The following NAV2 variants were observed in gnomAD, a reference collection of about 807,000 sequenced individuals.
NAV2 encodes the protein helicase, APC down-regulated 1.
NAV2 carries 54 observed loss-of-function variants against 223.2 expected under a neutral mutation model. That is an observed-to-expected ratio of 0.24 (90% confidence interval 0.19 to 0.30). The LOEUF (loss-of-function observed/expected upper bound fraction) is 0.30, where lower values mean the gene tolerates loss of function less well. Ranked by LOEUF, NAV2 falls within the 10% of genes least tolerant of loss-of-function variation. NAV2 has a pLI of 1.00. For missense variants in NAV2, 2,806 were observed against 3,147.5 expected, an observed-to-expected ratio of 0.89 and a Z score of 2.60; for synonymous variants, 1,279 against 1,239.3, an observed-to-expected ratio of 1.03 and a Z score of -0.67.
intron 1 of NAV2, among the ~76,000 whole-genome samples, chr11:19,362,982 AG>A (rs1324077685): frequency 6.6e-6 from 1 of 152,196 alleles, no homozygotes; most frequent in African/African-American, 2.4e-5. Context: ...CTGATGATGA[AG>A]GGTTTTTTAA....
chr11:19,499,277 C>G (rs2042890673), intron 1 of NAV2, among the ~76,000 whole-genome samples: 1 of 152,152 alleles, frequency 6.6e-6, no homozygotes, highest in East Asian at 1.9e-4. Flanking sequence ...TGAAGTGAAC[C>G]AGGGGTTACA....
At chr11:19,420,270 G>C (rs1850554877) in intron 1 of NAV2, among the ~76,000 whole-genome samples, 1 of 152,102 alleles carries the variant, frequency 6.6e-6, no homozygotes, top group Admixed American at 6.6e-5. Flanking sequence ...TAATTAAAAA[G>C]ATAAAAAAAT....
intron 1 of NAV2, among the ~76,000 whole-genome samples, chr11:19,577,253 C>T (rs1001474661): frequency 2.6e-5 from 4 of 152,246 alleles, no homozygotes; most frequent in African/African-American, 9.6e-5. Flanking sequence ...CTGGCGAAAG[C>T]CAAATGTGTG....
At chr11:19,448,546 G>A (rs898472023) in intron 1 of NAV2, among the ~76,000 whole-genome samples, 27 of 152,204 alleles carry the variant, frequency 1.8e-4, no homozygotes, top group African/African-American at 6.5e-4. Context: ...TGGGATCCTG[G>A]CACGTGGTTC....
chr11:19,709,138 C>G (rs905229181), upstream of NAV2, among the ~76,000 whole-genome samples: 3 of 151,848 alleles, frequency 2.0e-5, no homozygotes, highest in African/African-American at 7.3e-5. Flanking sequence ...TTATAATTAT[C>G]TCATTTATCC....
chr11:20,097,854 G>GAGACAAGCAGCCCA, intron 31 of NAV2, 109 bp downstream of exon 31: 1 of 989,072 alleles, frequency 1.0e-6, no homozygotes, highest in Non-Finnish European at 1.5e-6. Context: ...GTATTTGTGG[G>GAGACAAGCAGCCCA]CTGCTTGTCT....
At chr11:19,653,488 A>G (rs1482416824) in intron 1 of NAV2, among the ~76,000 whole-genome samples, 1 of 152,212 alleles carries the variant, frequency 6.6e-6, no homozygotes, top group Non-Finnish European at 1.5e-5. Context: ...TGCTAATACT[A>G]TTCCCATTTT....
At chr11:19,788,739 C>T (rs776367009) in intron 1 of NAV2, among the ~76,000 whole-genome samples, 2 of 152,216 alleles carry the variant, frequency 1.3e-5, no homozygotes, top group Admixed American at 6.5e-5. Flanking sequence ...CTCGAACTCA[C>T]CAAGCTCATT....
chr11:19,471,228 G>A (rs1307000749), intron 1 of NAV2, among the ~76,000 whole-genome samples: 1 of 152,108 alleles, frequency 6.6e-6, no homozygotes, highest in African/African-American at 2.4e-5. Context: ...TACACACCAA[G>A]GAGGCAGTTG....
chr11:19,464,895 G>A (rs10500848), intron 1 of NAV2, among the ~76,000 whole-genome samples: 3,911 of 152,272 alleles, frequency 0.026, 111 homozygotes, highest in African/African-American at 0.067. Flanking sequence ...AACTTTCATG[G>A]CCAATGCACA....
At chr11:20,024,714 G>A (rs941933744) in intron 11 of NAV2, among the ~76,000 whole-genome samples, 3 of 152,194 alleles carry the variant, frequency 2.0e-5, no homozygotes, top group African/African-American at 4.8e-5. Context: ...GGAGATAGCC[G>A]CCTCCCTTGG....
intron 26 of NAV2, among the ~76,000 whole-genome samples, chr11:20,089,276 T>C (rs2060661635): frequency 1.3e-5 from 2 of 152,182 alleles, no homozygotes; most frequent in Non-Finnish European, 2.9e-5. Context: ...TAAGGTGGTT[T>C]TACCGTGTCT....
chr11:19,970,322 C>T (rs2153426802), intron 10 of NAV2, among the ~76,000 whole-genome samples: 1 of 152,264 alleles, frequency 6.6e-6, no homozygotes, highest in Non-Finnish European at 1.5e-5. Context: ...GCATGCGCCA[C>T]CATGCCTGGC....
chr11:19,978,170 C>T (rs907971449), intron 10 of NAV2, among the ~76,000 whole-genome samples: 3 of 151,862 alleles, frequency 2.0e-5, no homozygotes, highest in African/African-American at 4.8e-5. Context: ...TTGTTAGACT[C>T]GCTGGCCGGT....
In NAV2 at chr11:19,879,891, G is replaced by C; in HGVS notation, c.534G>C (p.Lys178Asn). The C allele has an allele frequency of 6.2e-7, 1 of 1,613,920 alleles. No individual in the cohort carries two copies. Among genetic ancestry groups the C allele is most frequent in the Admixed American group, 1.7e-5 (1 of 60,012 alleles). Residue 178 changes from lysine (K) to asparagine (N), a missense_variant, in exon 5 of 38, where the codon AAG becomes AAC. By Grantham distance (94) the Lys-to-Asn change is moderately conservative. Coordinates refer to ENST00000349880, the MANE Select transcript of NAV2 (RefSeq NM_145117.5). ...SAEEIRNGNL[K>N]AILGLFFSLS... ...CAGAGATCAGGAATGGAAACCTCAA[G>C]GCCATTCTAGGCCTCTTCTTCAGCC...
chr11:19,671,204 T>A (rs1450577614), intron 1 of NAV2, among the ~76,000 whole-genome samples: 2 of 152,270 alleles, frequency 1.3e-5, no homozygotes, highest in African/African-American at 4.8e-5. Context: ...CTGTTTGCTC[T>A]TGTTCTTGTC....
chr11:19,374,114 C>T (rs918660306), intron 1 of NAV2, among the ~76,000 whole-genome samples: 26 of 152,094 alleles, frequency 1.7e-4, no homozygotes, highest in Admixed American at 1.6e-3. Flanking sequence ...CCATAATTTA[C>T]CACACGTATC....
At chr11:19,785,647 C>CTTTTTTTTTTTTTTTTT (rs3214722) in intron 1 of NAV2, among the ~76,000 whole-genome samples, 2 of 141,856 alleles carry the variant, frequency 1.4e-5, no homozygotes, top group African/African-American at 2.6e-5. Flanking sequence ...CGTCAGCTGG[C>CTTTTTTTTTTTTTTTTT]TTTTTTTTTT....
intron 13 of NAV2, 61 bp from the exon 14 acceptor site, chr11:20,044,903 TAAAC>T (rs1373295702): frequency 1.4e-6 from 2 of 1,402,112 alleles, no homozygotes; most frequent in South Asian, 2.8e-5. Context: ...GAGAGCATCT[TAAAC>T]AGACGAGATG....
Sources: gnomAD v4.1 joint callset for allele counts (sites outside exome capture counted in the v4.1 genomes callset) on GRCh38, gnomAD v4.1.1 for gene constraint, MANE v1.5 for transcripts, NCBI Gene and HGNC (gene_info 2026-07-23, HGNC 2026-07-21) for gene names.